The following STK39 variants were observed in gnomAD, a reference collection of about 807,000 sequenced individuals.
STK39 encodes the protein serine/threonine kinase 39, also known as STE20/SPS1-related proline-alanine-rich protein kinase.
STK39 carries 20 observed loss-of-function variants against 77.8 expected under a neutral mutation model. The observed-to-expected ratio is 0.26, with a 90% CI of 0.18 to 0.37. The LOEUF (loss-of-function observed/expected upper bound fraction) is 0.37. Among genes scored for constraint, STK39 ranks in the 10% least tolerant of loss-of-function variants. The pLI, the probability that STK39 is intolerant of heterozygous loss-of-function variation, is 1.00. For synonymous variants in STK39, 246 were observed against 234.1 expected (o/e 1.05, Z -0.47); for missense variants, 479 against 656.5 (o/e 0.73, Z 2.95).
chr2:168,048,361 C>T (rs1188215350), intron 14 of STK39, among the ~76,000 whole-genome samples: 6 of 152,110 alleles, frequency 3.9e-5, no homozygotes, highest in Middle Eastern at 6.8e-3. Flanking sequence ...TACAGGCAAC[C>T]GCCACCACGC....
At chr2:168,098,064 TGTAAAACAATACTAA>T (rs1302651698) in intron 10 of STK39, among the ~76,000 whole-genome samples, 1 of 152,240 alleles carries the variant, frequency 6.6e-6, no homozygotes, top group African/African-American at 2.4e-5. Context: ...GAAACAACTG[TGTAAAACAATACTAA>T]GTAATCACTA....
At chr2:168,058,492 T>A (rs1239797382) in intron 14 of STK39, among the ~76,000 whole-genome samples, 1 of 152,194 alleles carries the variant, frequency 6.6e-6, no homozygotes, top group Non-Finnish European at 1.5e-5. Context: ...CACCAACTGT[T>A]CCCAAATTTA....
chr2:168,079,105 T>C (rs1213352086), intron 10 of STK39, among the ~76,000 whole-genome samples: 2 of 152,224 alleles, frequency 1.3e-5, no homozygotes, highest in African/African-American at 4.8e-5. Context: ...AAAAGCCTTC[T>C]AAATCATGAA....
Position 168,097,739 on chromosome 2 carries a change from CA to C in STK39, c.1090-22509del, listed in dbSNP as rs34477630. On this transcript the variant is annotated intron_variant, in intron 10 of 17. Coordinates refer to ENST00000355999, the MANE Select transcript of STK39 (RefSeq NM_013233.3). ...ACAGAGCAAAATCCTGTCTCAAAAA[CA>C]AAAAAAAAAAAAAGAAGACGAAGAA... Among the ~76,000 whole-genome samples the C allele has an allele frequency of 2.6e-3, 371 of 145,210 alleles. 2 individuals are homozygous for C. The highest frequency in any genetic ancestry group is 8.0e-3 in the African/African-American group (313 of 38,944).
At chr2:168,237,453 T>G (rs188287517) in intron 1 of STK39, among the ~76,000 whole-genome samples, 1 of 152,342 alleles carries the variant, frequency 6.6e-6, no homozygotes, top group East Asian at 1.9e-4. Context: ...TCCTGCCTGA[T>G]TGCCCTGGCC....
intron 1 of STK39, among the ~76,000 whole-genome samples, chr2:168,228,654 G>C (rs1171658361): frequency 6.6e-6 from 1 of 152,072 alleles, no homozygotes; most frequent in East Asian, 1.9e-4. Flanking sequence ...GCCTAGTGTG[G>C]TGGTACATGC....
intron 14 of STK39, among the ~76,000 whole-genome samples, chr2:168,054,493 A>C (rs1685474076): frequency 1.3e-5 from 2 of 152,240 alleles, no homozygotes; most frequent in African/African-American, 2.4e-5. Context: ...GGATACCACT[A>C]ATAAAGCCAA....
chr2:168,042,168 T>A (rs796174168), intron 14 of STK39, among the ~76,000 whole-genome samples: 7 of 152,376 alleles, frequency 4.6e-5, no homozygotes, highest in African/African-American at 1.7e-4. Context: ...TCTCAAGATA[T>A]TTTTAAAATC....
chr2:167,971,880 AG>A (rs974515713), intron 16 of STK39, among the ~76,000 whole-genome samples: 1 of 152,218 alleles, frequency 6.6e-6, no homozygotes, highest in African/African-American at 2.4e-5. Flanking sequence ...GGGCCCCACC[AG>A]GGGCAAGTTT....
intron 10 of STK39, among the ~76,000 whole-genome samples, chr2:168,095,597 T>C (rs561912707): frequency 1.3e-5 from 2 of 150,630 alleles, no homozygotes; most frequent in African/African-American, 4.9e-5. Flanking sequence ...CTGCGCTGAA[T>C]CTGCTAGCCA....
intron 9 of STK39, 28 bp from the exon 10 acceptor site, chr2:168,129,634 A>C: frequency 6.2e-7 from 1 of 1,614,050 alleles, no homozygotes; most frequent in Non-Finnish European, 8.5e-7. Context: ...CCAACAGTTT[A>C]ACATCAAATA....
chr2:168,073,035 T>C (rs1031334618), intron 12 of STK39, among the ~76,000 whole-genome samples: 3 of 152,218 alleles, frequency 2.0e-5, no homozygotes, highest in South Asian at 2.1e-4. Flanking sequence ...AACAGACATA[T>C]GGTGCTGAGA....
In STK39 at chr2:168,115,086, G is replaced by A. The variant is rs547774671; in HGVS notation, c.1089+14455C>T. ...TAGGTCAATTAGCCTGAAGTACCTCGTATAATCTAATCTCTCCTAAAGTAC... is the reference window on the plus strand; with the variant it reads ...TAGGTCAATTAGCCTGAAGTACCTCATATAATCTAATCTCTCCTAAAGTAC... On this transcript the variant is annotated intron_variant, in intron 10 of 17. Transcript: ENST00000355999. 7.9e-5 allele frequency among the ~76,000 whole-genome samples: 12 copies of A among 152,228 alleles called. No individual in the cohort carries two copies. The East Asian group carries it at 1.5e-3, about 20-fold the overall frequency.
At chr2:168,108,339 G>A (rs1211387970) in intron 10 of STK39, among the ~76,000 whole-genome samples, 1 of 152,026 alleles carries the variant, frequency 6.6e-6, no homozygotes, top group East Asian at 1.9e-4. Flanking sequence ...CTTGAGCCCG[G>A]GAGTTCAAGA....
intron 10 of STK39, among the ~76,000 whole-genome samples, chr2:168,114,769 A>G (rs1012872771): frequency 4.7e-4 from 70 of 150,392 alleles, no homozygotes; most frequent in African/African-American, 1.6e-3. Context: ...AATGGCTGAC[A>G]TCGGACCTCA....
chr2:168,202,044 G>GC (rs1243333652), intron 1 of STK39, among the ~76,000 whole-genome samples: 1 of 152,098 alleles, frequency 6.6e-6, no homozygotes, highest in Non-Finnish European at 1.5e-5. Flanking sequence ...AGAAGTTTGG[G>GC]CCCCCCGCCC....
intron 2 of STK39, among the ~76,000 whole-genome samples, chr2:168,176,582 G>A (rs1006468476): frequency 3.3e-5 from 5 of 152,148 alleles, no homozygotes; most frequent in South Asian, 2.1e-4. Context: ...ACAAAACAAC[G>A]CTACAGCAGA....
At position 167,996,518 on chromosome 2, in the gene STK39, G is replaced by A. The variant is rs145594074; in HGVS notation, c.1498+16116C>T. ...AATGTGTCATCTCTCATAGCTTAGC[G>A]TCCAGCCCGCCCCCCAGGCATCACG... On this transcript the variant is annotated intron_variant, in intron 16 of 17. Coordinates refer to ENST00000355999, the MANE Select transcript of STK39 (RefSeq NM_013233.3). 2.1e-3 allele frequency among the ~76,000 whole-genome samples: 327 copies of A among 152,298 alleles called. 4 individuals are homozygous for A. Among genetic ancestry groups the A allele is most frequent in the African/African-American group, 7.4e-3 (309 of 41,566 alleles).
intron 14 of STK39, among the ~76,000 whole-genome samples, chr2:168,056,318 A>C (rs1685524492): frequency 6.6e-6 from 1 of 152,082 alleles, no homozygotes; most frequent in African/African-American, 2.4e-5. Context: ...CCTACTTACA[A>C]AATCAAGGTG....
Sources: gnomAD v4.1 joint callset for allele counts (sites outside exome capture counted in the v4.1 genomes callset) on GRCh38, gnomAD v4.1.1 for gene constraint, MANE v1.5 for transcripts, NCBI Gene and HGNC (gene_info 2026-07-23, HGNC 2026-07-21) for gene names.